The following NFIB variants were observed in gnomAD, a reference collection of about 807,000 sequenced individuals.
NFIB encodes nuclear factor I B.
NFIB carries 11 observed loss-of-function variants against 61.5 expected under a neutral mutation model. The ratio of observed to expected loss-of-function variants is 0.18; its 90% CI spans 0.11 to 0.30. The LOEUF is 0.30. Among genes scored for constraint, NFIB ranks in the 10% least tolerant of loss-of-function variants. NFIB has a pLI of 1.00. For missense variants in NFIB, 471 were observed against 608.9 expected (o/e 0.77, Z 2.38); for synonymous variants, 260 against 216.5 (o/e 1.20, Z -1.76).
At chr9:14,472,118 T>C in the NFIB span, among the ~76,000 whole-genome samples, 1 of 152,224 alleles carries the variant, frequency 6.6e-6, no homozygotes, top group Non-Finnish European at 1.5e-5. Flanking sequence ...GGATTACCTG[T>C]AGATCATCAG....
chr9:14,202,128 T>TCACA (rs3080833), intron 2 of NFIB, among the ~76,000 whole-genome samples: 59,810 of 146,980 alleles, frequency 0.41, 13,873 homozygotes, highest in Non-Finnish European at 0.54. Flanking sequence ...TTGATACTTT[T>TCACA]CACACACACA....
In NFIB at chr9:14,105,377, C is replaced by T. The variant is rs78831649; in HGVS notation, c.1467+7622G>A. Among the ~76,000 whole-genome samples the T allele has an allele frequency of 2.8e-3, 424 of 152,194 alleles. 5 individuals carry two copies. The East Asian group carries it at 0.028, about 10-fold the overall frequency. ...CAATATATTAATTAGCATTGAATTT[C>T]CTTTTAGTTACTAAAAATGTAAAAT... On this transcript the variant is annotated intron_variant, in intron 10 of 10. Transcript: ENST00000380953.
the NFIB span, among the ~76,000 whole-genome samples, chr9:14,485,680 G>T: frequency 2.0e-5 from 3 of 152,262 alleles, no homozygotes; most frequent in African/African-American, 7.2e-5. Context: ...TTCGAGACCA[G>T]CTTGGCTAAC....
intron 2 of NFIB, among the ~76,000 whole-genome samples, chr9:14,236,723 T>TATTTGGACAGATTCATAGCACTGGGTAGG (rs1325069469): frequency 6.6e-6 from 1 of 152,200 alleles, no homozygotes; most frequent in Non-Finnish European, 1.5e-5. Context: ...TTCCCATGTT[T>TATTTGGACAGATTCATAGCACTGGGTAGG]ATTTGGACAG....
At chr9:14,458,903 G>A in the NFIB span, among the ~76,000 whole-genome samples, 1 of 151,820 alleles carries the variant, frequency 6.6e-6, no homozygotes, top group Non-Finnish European at 1.5e-5. Flanking sequence ...CCATGCTCAT[G>A]GATAGGAAGA....
At chr9:14,428,129 A>T in the NFIB span, among the ~76,000 whole-genome samples, 1 of 151,246 alleles carries the variant, frequency 6.6e-6, no homozygotes, top group Admixed American at 6.6e-5. Context: ...TATTTTTTGT[A>T]GAGATGGGGT....
intron 1 of NFIB, among the ~76,000 whole-genome samples, chr9:14,387,115 T>A (rs543813388): frequency 1.3e-5 from 2 of 152,298 alleles, no homozygotes; most frequent in South Asian, 4.1e-4. Context: ...TGACTTGGGG[T>A]TAGGTGACTA....
chr9:14,357,578 G>C (rs1039348105), intron 1 of NFIB: 4 of 152,196 alleles, frequency 2.6e-5, no homozygotes, highest in African/African-American at 9.7e-5. Flanking sequence ...ATATTTCTGA[G>C]TTAACTCCTA....
At chr9:14,206,933 T>G (rs1041688258) in intron 2 of NFIB, among the ~76,000 whole-genome samples, 3 of 152,194 alleles carry the variant, frequency 2.0e-5, no homozygotes, top group Non-Finnish European at 4.4e-5. Context: ...TGATTAGCTG[T>G]GTAAAACCCC....
Position 14,307,306 on chromosome 9 carries a change from T to C in NFIB, c.245A>G (p.Lys82Arg). ...CTCTCGATACTCCTGGCGAATATCT[T>C]TGCGCAGTTTGGCAAGGAGCCTGGA... ...WASRLLAKLR[K>R]DIRQEYREDF... Residue 82 changes from lysine to arginine, a missense_variant, in exon 2 of 11, where the codon AAA becomes AGA. This residue lies in a region of NFIB where 99 missense variants were observed against 213.3 expected (regional missense o/e 0.46). Coordinates refer to ENST00000380953, the MANE Select transcript of NFIB (RefSeq NM_001190737.2). This position sits in a 1 kb window ranked among gnomAD's most constrained non-coding sequence, Gnocchi z 5.3. The C allele has an allele frequency of 6.2e-7, 1 of 1,614,050 alleles. No individual in the cohort carries two copies. The highest frequency in any genetic ancestry group is 8.5e-7 in the Non-Finnish European group (1 of 1,179,986).
Position 14,375,244 on chromosome 9 carries a change from G to T in NFIB, c.108+23280C>A, listed in dbSNP as rs115114824. 2.8e-3 allele frequency among the ~76,000 whole-genome samples: 423 copies of T among 152,274 alleles called. 2 individuals carry two copies. Among genetic ancestry groups the T allele is most frequent in the African/African-American group, 9.4e-3 (389 of 41,564 alleles). On this transcript the variant is annotated intron_variant, in intron 1 of 8. Coordinates refer to the NFIB transcript ENST00000380934. ...CTATCTCTCTGCTCTTCCAGTCTTAGGCCATGATATCCCTCTAGTTATCAT... is the reference window on the plus strand; with the variant it reads ...CTATCTCTCTGCTCTTCCAGTCTTATGCCATGATATCCCTCTAGTTATCAT...
chr9:14,178,925 G>A (rs1269770163), intron 3 of NFIB, among the ~76,000 whole-genome samples: 1 of 152,060 alleles, frequency 6.6e-6, no homozygotes, highest in Non-Finnish European at 1.5e-5. Context: ...GGGGAGGTGG[G>A]GGGCATGTGT....
chr9:14,225,639 C>CT (rs1475129051), intron 2 of NFIB, among the ~76,000 whole-genome samples: 1 of 151,696 alleles, frequency 6.6e-6, no homozygotes, highest in African/African-American at 2.4e-5. Flanking sequence ...ATCATCATTG[C>CT]TTATAATATT....
chr9:14,514,327 T>TAC, the NFIB span, among the ~76,000 whole-genome samples: 371 of 148,048 alleles, frequency 2.5e-3, no homozygotes, highest in African/African-American at 7.5e-3. Context: ...CATACATACA[T>TAC]ACACACACAC....
chr9:14,273,205 G>A (rs781577124), intron 2 of NFIB, among the ~76,000 whole-genome samples: 11 of 151,968 alleles, frequency 7.2e-5, no homozygotes, highest in South Asian at 6.3e-4. Context: ...TACATTTTCC[G>A]TCTCTTTCCC....
At chr9:14,137,658 G>A (rs896204306) in intron 6 of NFIB, among the ~76,000 whole-genome samples, 2 of 152,086 alleles carry the variant, frequency 1.3e-5, no homozygotes, top group African/African-American at 4.8e-5. Flanking sequence ...CAATTACAGT[G>A]CACTAGGCTT....
the NFIB span, among the ~76,000 whole-genome samples, chr9:14,469,765 T>C: frequency 6.6e-6 from 1 of 152,230 alleles, no homozygotes; most frequent in Non-Finnish European, 1.5e-5. Context: ...TACTTGTTAA[T>C]GGCTGTCCAT....
chr9:14,465,712 G>A, the NFIB span, among the ~76,000 whole-genome samples: 34,318 of 151,858 alleles, frequency 0.23, 4,244 homozygotes, highest in African/African-American at 0.33. Flanking sequence ...CAGTCACCAG[G>A]ATGCAATGGA....
chr9:14,487,227 A>G, the NFIB span, among the ~76,000 whole-genome samples: 2 of 152,228 alleles, frequency 1.3e-5, no homozygotes, highest in African/African-American at 4.8e-5. Context: ...TCTTCCCTTC[A>G]TGCAGAGCCA....
Sources: allele counts gnomAD v4.1 joint callset (sites outside exome capture counted in the v4.1 genomes callset), GRCh38; gene constraint gnomAD v4.1.1; regional missense constraint gnomAD v4.1.1; non-coding constraint Gnocchi (gnomAD v3.1); transcripts MANE v1.5; gene names NCBI Gene and HGNC (gene_info 2026-07-23, HGNC 2026-07-21).